CSMD1: variants seen among roughly 807,000 people sequenced by gnomAD.
CSMD1 encodes CUB and Sushi multiple domains 1.
CSMD1 carries 213 observed loss-of-function variants against 417.5 expected under a neutral mutation model. The observed-to-expected ratio is 0.51, with a 90% confidence interval of 0.46 to 0.57. The LOEUF is 0.57. CSMD1 is among the 20% of genes least tolerant of loss of function. The pLI is 0.00. For synonymous variants in CSMD1, 2,862 were observed against 1,736.8 expected (o/e 1.65, Z -16.11); for missense variants, 6,923 against 4,529.7 (o/e 1.53, Z -15.17).
intron 3 of CSMD1, among the ~76,000 whole-genome samples, chr8:4,078,360 G>C (rs1012384649): frequency 6.9e-6 from 1 of 144,236 alleles, no homozygotes; most frequent in Non-Finnish European, 1.5e-5. Flanking sequence ...TGTGTCGCAG[G>C]CTGGAGTGCA....
chr8:4,963,268 T>C (rs1299289384), intron 1 of CSMD1, among the ~76,000 whole-genome samples: 1 of 152,172 alleles, frequency 6.6e-6, no homozygotes, highest in Non-Finnish European at 1.5e-5. Flanking sequence ...TGGTGCAATC[T>C]TGACTCACTG....
At chr8:4,890,886 A>T (rs1804074867) in intron 1 of CSMD1, among the ~76,000 whole-genome samples, 1 of 152,024 alleles carries the variant, frequency 6.6e-6, no homozygotes, top group South Asian at 2.1e-4. Flanking sequence ...TTTCAGCCAA[A>T]CCCCTAGAGC....
At chr8:3,457,813 CTTG>C (rs963053129) in intron 12 of CSMD1, among the ~76,000 whole-genome samples, 3 of 152,078 alleles carry the variant, frequency 2.0e-5, no homozygotes, top group Non-Finnish European at 4.4e-5. Context: ...AAAGTGGGTC[CTTG>C]TTGTATCCGA....
intron 2 of CSMD1, among the ~76,000 whole-genome samples, chr8:4,474,434 A>T (rs905277156): frequency 2.0e-5 from 3 of 152,184 alleles, no homozygotes; most frequent in African/African-American, 7.2e-5. Context: ...ATAGAAGTGA[A>T]AAAGAAATTC....
At chr8:4,650,835 T>A (rs1203379142) in intron 1 of CSMD1, among the ~76,000 whole-genome samples, 1 of 152,166 alleles carries the variant, frequency 6.6e-6, no homozygotes, top group Non-Finnish European at 1.5e-5. Flanking sequence ...GGTTGTAGAG[T>A]AGAAAGCAGA....
At chr8:3,744,307 G>T (rs1481723) in intron 6 of CSMD1, among the ~76,000 whole-genome samples, 2 of 151,964 alleles carry the variant, frequency 1.3e-5, no homozygotes, top group African/African-American at 2.4e-5. Flanking sequence ...GACACAGCAC[G>T]GAGAGCATCT....
At chr8:4,373,830 C>G (rs1251845214) in intron 3 of CSMD1, among the ~76,000 whole-genome samples, 1 of 152,152 alleles carries the variant, frequency 6.6e-6, no homozygotes, top group Non-Finnish European at 1.5e-5. Context: ...ACAGTACTAG[C>G]CAAAGGAGCT....
At chr8:4,435,293 T>C (rs569347012) in intron 2 of CSMD1, among the ~76,000 whole-genome samples, 32 of 152,322 alleles carry the variant, frequency 2.1e-4, no homozygotes, top group African/African-American at 7.5e-4. Flanking sequence ...TCACAAATGA[T>C]TGTTCCACAG....
At chr8:3,668,675 G>C (rs1175509457) in intron 7 of CSMD1, among the ~76,000 whole-genome samples, 1 of 152,126 alleles carries the variant, frequency 6.6e-6, no homozygotes, top group African/African-American at 2.4e-5. Context: ...GAGGTGTCCA[G>C]AGATCAACCA....
intron 6 of CSMD1, among the ~76,000 whole-genome samples, chr8:3,710,481 T>C (rs564803940): frequency 6.6e-5 from 10 of 152,246 alleles, no homozygotes; most frequent in African/African-American, 2.2e-4. Flanking sequence ...GTGGCAGTGA[T>C]TGTTACTCTT....
At chr8:4,303,680 T>G (rs4574867) in intron 3 of CSMD1, among the ~76,000 whole-genome samples, 115,354 of 151,750 alleles carry the variant, frequency 0.76, 43,936 homozygotes, top group East Asian at 0.85. Context: ...TTTTGAGATG[T>G]AGTCTTGCTC....
At chr8:4,108,126 G>A (rs893195887) in intron 3 of CSMD1, among the ~76,000 whole-genome samples, 1 of 151,880 alleles carries the variant, frequency 6.6e-6, no homozygotes, top group African/African-American at 2.4e-5. Flanking sequence ...AGGAGGAGGA[G>A]GGTAGGGAAG....
At chr8:3,508,793 C>A (rs1298472795) in intron 10 of CSMD1, among the ~76,000 whole-genome samples, 1 of 152,190 alleles carries the variant, frequency 6.6e-6, no homozygotes, top group Non-Finnish European at 1.5e-5. Context: ...TAATGCTCCA[C>A]CACCTACGCT....
intron 2 of CSMD1, among the ~76,000 whole-genome samples, chr8:4,610,819 C>G (rs1228181225): frequency 6.6e-6 from 1 of 152,116 alleles, no homozygotes; most frequent in Non-Finnish European, 1.5e-5. Flanking sequence ...GGCATGCATG[C>G]CTGTGAGTAT....
rs565571036 is a variant in CSMD1, at chr8:4,269,483, G to C, written c.415+150470C>G. On this transcript the variant is annotated intron_variant, in intron 3 of 69. Coordinates refer to ENST00000635120, the MANE Select transcript of CSMD1 (RefSeq NM_033225.6). ...TTTTATCAGAGCTCATGTATTCTTTGACTTTTTTGAATATGGGAAGCATGT... is the reference window on the plus strand; with the variant it reads ...TTTTATCAGAGCTCATGTATTCTTTCACTTTTTTGAATATGGGAAGCATGT... Among the ~76,000 whole-genome samples, 91 of 152,116 alleles carry C rather than the reference G, an allele frequency of 6.0e-4. 9 individuals are homozygous for C. Among genetic ancestry groups the C allele is most frequent in the Non-Finnish European group, 2.9e-5 (2 of 68,008 alleles).
intron 5 of CSMD1, among the ~76,000 whole-genome samples, chr8:3,852,542 G>C (rs973101307): frequency 6.6e-6 from 1 of 152,174 alleles, no homozygotes; most frequent in Admixed American, 6.5e-5. Flanking sequence ...GATGGTGTTA[G>C]GGATTGAGGA....
rs143434507 is a variant in CSMD1 at position 4,495,556 on chromosome 8, C to T, written c.303-75491G>A. On this transcript the variant is annotated intron_variant, in intron 2 of 69. Transcript: ENST00000635120. ...CGCCACTGCACTCTAGCCTGGGTGA[C>T]AGAGCAAGACTCCATCTCAGAAAAA... Among the ~76,000 whole-genome samples the T allele has an allele frequency of 5.0e-3, 758 of 151,224 alleles. 9 individuals carry two copies. The highest frequency in any genetic ancestry group is 0.017 in the African/African-American group (698 of 41,264).
chr8:4,683,782 G>C (rs561648237), intron 1 of CSMD1, among the ~76,000 whole-genome samples: 13 of 152,192 alleles, frequency 8.5e-5, no homozygotes, highest in Non-Finnish European at 1.5e-4. Context: ...AACTTTTCTA[G>C]GCACTAAGGC....
chr8:4,685,572 T>G (rs1023374034), intron 1 of CSMD1, among the ~76,000 whole-genome samples: 1 of 151,718 alleles, frequency 6.6e-6, no homozygotes, highest in Non-Finnish European at 1.5e-5. Flanking sequence ...TGAGACTCCT[T>G]CTTTAAAAGA....
Sources: gnomAD v4.1 joint callset for allele counts (sites outside exome capture counted in the v4.1 genomes callset) on GRCh38, gnomAD v4.1.1 for gene constraint, MANE v1.5 for transcripts, NCBI Gene and HGNC (gene_info 2026-07-23, HGNC 2026-07-21) for gene names.